LNX1: variants seen among roughly 807,000 people sequenced by gnomAD.
LNX1 encodes ligand of numb-protein X 1.
LNX1 carries 54 observed loss-of-function variants against 68.4 expected under a neutral mutation model. The ratio of observed to expected loss-of-function variants is 0.79; its 90% CI spans 0.63 to 0.99. The LOEUF is 0.99. LNX1 is among the 50% of genes least tolerant of loss of function. The probability of loss-of-function intolerance (pLI) is 0.00; values close to 1 mark genes in which losing one functional copy is unlikely to be tolerated. For synonymous variants in LNX1, 336 were observed against 350.0 expected (o/e 0.96, Z 0.45); for missense variants, 906 against 926.4 (o/e 0.98, Z 0.29).
At chr4:53,526,948 A>G (rs17082951) in intron 2 of LNX1, among the ~76,000 whole-genome samples, 40,298 of 151,396 alleles carry the variant, frequency 0.27, 5,470 homozygotes, top group East Asian at 0.33. Flanking sequence ...CACAATCATT[A>G]TGCTAAAGCA....
At chr4:53,636,065 G>A (rs1448995704) in intron 1 of LNX1, among the ~76,000 whole-genome samples, 1 of 151,766 alleles carries the variant, frequency 6.6e-6, no homozygotes, top group African/African-American at 2.4e-5. Context: ...TTTACATGAA[G>A]GAGATGCTGA....
At position 53,548,877 on chromosome 4, in the gene LNX1, A is replaced by G. The variant is rs555560456; in HGVS notation, c.380+24746T>C. Reference sequence around the variant, plus strand: ...GAACAAGATCATGTCTTTCACAGGAACATGGACGGAGCTGGAGGCTACTAT... The same window carrying G: ...GAACAAGATCATGTCTTTCACAGGAGCATGGACGGAGCTGGAGGCTACTAT... On this transcript the variant is annotated intron_variant, in intron 2 of 10. Transcript: ENST00000263925. 3.3e-5 allele frequency among the ~76,000 whole-genome samples: 5 copies of G among 152,348 alleles called. No homozygotes were observed. In the East Asian group the frequency reaches 9.6e-4, roughly 29 times the overall value.
rs1723135349 is a variant in LNX1 at position 53,471,073 on chromosome 4, CT to C, written c.1892+5679del. Among the ~76,000 whole-genome samples the C allele has an allele frequency of 2.4e-5, 2 of 82,600 alleles. 1 individual carries two copies. Among genetic ancestry groups the C allele is most frequent in the Non-Finnish European group, 5.4e-5 (2 of 37,030 alleles). The allele number at this position is 82,600 out of a possible 152,430, so 54.2% of individuals were successfully genotyped here. A position where few individuals can be genotyped will look rare whatever the true frequency, so the allele number is the denominator to read the frequency against. ...AAGGAACAAAGCTGGAGGCATCGCA[CT>C]ACCTGACTTCAAACTATACTACAAG... On this transcript the variant is annotated intron_variant, in intron 9 of 10. Coordinates refer to ENST00000263925, the MANE Select transcript of LNX1 (RefSeq NM_001126328.3).
chr4:53,582,096 A>AAGTAGGGAGAGT (rs6148437), intron 1 of LNX1, among the ~76,000 whole-genome samples: 105,234 of 151,706 alleles, frequency 0.69, 36,667 homozygotes, highest in East Asian at 0.75. Flanking sequence ...TTAGAAACCT[A>AAGTAGGGAGAGT]AGAATATCAA....
At chr4:53,467,771 CGAGAA>C (rs1030814708) in intron 9 of LNX1, among the ~76,000 whole-genome samples, 3 of 151,852 alleles carry the variant, frequency 2.0e-5, no homozygotes, top group Admixed American at 6.6e-5. Flanking sequence ...TGAAATGAAG[CGAGAA>C]GAGAAGTTTA....
intron 9 of LNX1, among the ~76,000 whole-genome samples, chr4:53,471,173 C>T (rs1560613408): frequency 6.6e-6 from 1 of 150,836 alleles, no homozygotes; most frequent in Non-Finnish European, 1.5e-5. Context: ...ACGGAGCCCT[C>T]AGAAATAATG....
chr4:53,480,987 T>C (rs908702454), intron 7 of LNX1, among the ~76,000 whole-genome samples: 2 of 152,276 alleles, frequency 1.3e-5, no homozygotes, highest in African/African-American at 4.8e-5. Flanking sequence ...GCCAAAGCTA[T>C]AGGACTCTTA....
chr4:53,560,412 C>T (rs1730203654), intron 2 of LNX1, among the ~76,000 whole-genome samples: 1 of 152,136 alleles, frequency 6.6e-6, no homozygotes, highest in South Asian at 2.1e-4. Context: ...GCTATTGCAA[C>T]CACTGCTGGT....
chr4:53,541,714 A>T (rs891597125), intron 2 of LNX1, among the ~76,000 whole-genome samples: 8 of 146,512 alleles, frequency 5.5e-5, no homozygotes, highest in Admixed American at 7.0e-5. Context: ...CTTAGCAATC[A>T]CTTAAAAATT....
At chr4:53,517,286 T>C (rs372449313) in intron 2 of LNX1, among the ~76,000 whole-genome samples, 20 of 152,200 alleles carry the variant, frequency 1.3e-4, no homozygotes, top group Non-Finnish European at 5.9e-5. Context: ...AAAGCAGATA[T>C]ATAGTTTAAA....
intron 1 of LNX1, among the ~76,000 whole-genome samples, chr4:53,584,468 A>C (rs1732038206): frequency 6.6e-6 from 1 of 152,228 alleles, no homozygotes; most frequent in African/African-American, 2.4e-5. Flanking sequence ...AGCCATGGAC[A>C]AGCTTTGGAG....
At chr4:53,499,753 C>T (rs895965212) in intron 4 of LNX1, among the ~76,000 whole-genome samples, 5 of 152,150 alleles carry the variant, frequency 3.3e-5, no homozygotes, top group African/African-American at 1.2e-4. Context: ...TTCTTTCTAC[C>T]AGACATTGTT....
At chr4:53,510,653 G>T (rs4864770) in intron 2 of LNX1, among the ~76,000 whole-genome samples, 1 of 152,088 alleles carries the variant, frequency 6.6e-6, no homozygotes, top group African/African-American at 2.4e-5. Context: ...GCATTTGAGC[G>T]GCTCCAACGT....
intron 2 of LNX1, among the ~76,000 whole-genome samples, chr4:53,597,837 G>A (rs1414623759): frequency 6.6e-6 from 1 of 152,080 alleles, no homozygotes; most frequent in East Asian, 1.9e-4. Flanking sequence ...TGAGGAAAAG[G>A]GGTCCTCCTT....
chr4:53,644,282 C>G (rs895351846), intron 1 of LNX1, among the ~76,000 whole-genome samples: 4 of 151,956 alleles, frequency 2.6e-5, no homozygotes, highest in African/African-American at 9.7e-5. Flanking sequence ...GCTCCTGTAG[C>G]CCTAGCTACT....
intron 4 of LNX1, among the ~76,000 whole-genome samples, chr4:53,503,817 A>G (rs1052549264): frequency 6.6e-6 from 1 of 152,146 alleles, no homozygotes; most frequent in African/African-American, 2.4e-5. Context: ...TCTTCTCCCA[A>G]TATAAGGCTG....
intron 2 of LNX1, among the ~76,000 whole-genome samples, chr4:53,569,046 A>G (rs1439636993): frequency 1.3e-5 from 2 of 151,016 alleles, no homozygotes; most frequent in East Asian, 2.0e-4. Flanking sequence ...TTCCATGCTC[A>G]TGGGTAGGAA....
At chr4:53,586,178 A>C (rs1180099018) in intron 1 of LNX1, among the ~76,000 whole-genome samples, 1 of 152,122 alleles carries the variant, frequency 6.6e-6, no homozygotes, top group Non-Finnish European at 1.5e-5. Context: ...GAGTGTGTGT[A>C]TGTTGTGGAA....
chr4:53,576,112 C>T, intron 1 of LNX1: 5 of 1,553,210 alleles, frequency 3.2e-6, no homozygotes, highest in Non-Finnish European at 4.3e-6. Flanking sequence ...ATTTGGGAGC[C>T]AGCGGCCCCT....
Sources: allele counts gnomAD v4.1 joint callset (sites outside exome capture counted in the v4.1 genomes callset), GRCh38; gene constraint gnomAD v4.1.1; transcripts MANE v1.5; gene names NCBI Gene and HGNC (gene_info 2026-07-23, HGNC 2026-07-21).